The following ANKS1B variants were observed in gnomAD, a reference collection of about 807,000 sequenced individuals.
ANKS1B encodes ankyrin repeat and sterile alpha motif domain-containing protein 1B.
ANKS1B carries 36 observed loss-of-function variants against 148.3 expected under a neutral mutation model. The observed-to-expected ratio is 0.24, with a 90% confidence interval of 0.19 to 0.32. The LOEUF (loss-of-function observed/expected upper bound fraction) is 0.32, where lower values mean the gene tolerates loss of function less well. ANKS1B is among the 10% of genes least tolerant of loss of function. ANKS1B has a pLI of 1.00. For synonymous variants in ANKS1B, 542 were observed against 560.8 expected, an observed-to-expected ratio of 0.97 and a Z score of 0.47; for missense variants, 1,157 against 1,542.6, an observed-to-expected ratio of 0.75 and a Z score of 4.19.
chr12:99,275,831 G>T (rs1363667980), intron 12 of ANKS1B, among the ~76,000 whole-genome samples: 3 of 152,166 alleles, frequency 2.0e-5, no homozygotes, highest in Non-Finnish European at 4.4e-5. Context: ...AGATGTTATT[G>T]TGGTCATCCA....
At chr12:99,659,800 C>T (rs1242953533) in intron 8 of ANKS1B, among the ~76,000 whole-genome samples, 1 of 152,102 alleles carries the variant, frequency 6.6e-6, no homozygotes, top group Non-Finnish European at 1.5e-5. Flanking sequence ...AACTGATGCT[C>T]AAAATGTTAC....
At chr12:99,399,279 T>C (rs974526438) in intron 12 of ANKS1B, among the ~76,000 whole-genome samples, 1 of 152,154 alleles carries the variant, frequency 6.6e-6, no homozygotes, top group Non-Finnish European at 1.5e-5. Flanking sequence ...ATCCTTGATA[T>C]AAGTTCTCCG....
At chr12:99,763,233 A>C (rs1017721428) in intron 8 of ANKS1B, among the ~76,000 whole-genome samples, 6 of 152,204 alleles carry the variant, frequency 3.9e-5, no homozygotes, top group Admixed American at 3.9e-4. Flanking sequence ...AAGACATGGA[A>C]TCAATCTAGA....
intron 8 of ANKS1B, among the ~76,000 whole-genome samples, chr12:99,683,125 G>A (rs936739978): frequency 1.3e-5 from 2 of 152,028 alleles, no homozygotes; most frequent in Admixed American, 1.3e-4. Context: ...GAGAGAAACT[G>A]CCCCCATTAT....
At chr12:98,812,160 C>T (rs555377288) in intron 19 of ANKS1B, among the ~76,000 whole-genome samples, 20 of 152,286 alleles carry the variant, frequency 1.3e-4, no homozygotes, top group African/African-American at 3.9e-4. Context: ...TTTCAGTCAA[C>T]GACAGACTGC....
At chr12:99,410,019 A>G (rs7963164) in intron 11 of ANKS1B, among the ~76,000 whole-genome samples, 41,981 of 152,112 alleles carry the variant, frequency 0.28, 6,103 homozygotes, top group East Asian at 0.5. Context: ...GCTTCTATAC[A>G]TATTTACTTA....
chr12:98,968,221 A>G (rs1568083963), intron 17 of ANKS1B, among the ~76,000 whole-genome samples: 1 of 152,138 alleles, frequency 6.6e-6, no homozygotes, highest in Non-Finnish European at 1.5e-5. Flanking sequence ...AGAGGTAAAA[A>G]CAACAACAAA....
rs142707272 is a variant in ANKS1B, at chr12:99,779,172, G to C, written c.847+699C>G. 7.9e-5 allele frequency among the ~76,000 whole-genome samples: 12 copies of C among 152,302 alleles called. No individual in the cohort carries two copies. The East Asian group carries it at 2.3e-3, about 29-fold the overall frequency. On this transcript the variant is annotated intron_variant, in intron 6 of 26. Transcript: ENST00000683438. ...AGTATGCAAGCTGCAAATAACAAAAGTCGTACCTAGACAGTTGTCAAACTT... is the reference window on the plus strand; with the variant it reads ...AGTATGCAAGCTGCAAATAACAAAACTCGTACCTAGACAGTTGTCAAACTT...
intron 17 of ANKS1B, among the ~76,000 whole-genome samples, chr12:99,029,485 G>A (rs536078278): frequency 3.2e-4 from 49 of 152,302 alleles, no homozygotes; most frequent in Admixed American, 1.7e-3. Flanking sequence ...AATTGCTCAC[G>A]CTTTAGAGCA....
chr12:99,952,886 A>G (rs1322468707), intron 1 of ANKS1B, among the ~76,000 whole-genome samples: 1 of 152,202 alleles, frequency 6.6e-6, no homozygotes, highest in Admixed American at 6.5e-5. Flanking sequence ...TACCTTTTAA[A>G]GTCTTCTACT....
intron 17 of ANKS1B, chr12:98,954,390 T>C (rs1385299359): frequency 2.0e-5 from 3 of 152,230 alleles, no homozygotes; most frequent in South Asian, 2.1e-4. Flanking sequence ...TGAGCTGCTA[T>C]AGTTTGAATG....
chr12:99,368,188 A>G (rs1244668110), intron 12 of ANKS1B, among the ~76,000 whole-genome samples: 1 of 152,132 alleles, frequency 6.6e-6, no homozygotes, highest in Non-Finnish European at 1.5e-5. Flanking sequence ...GGGACACATG[A>G]ATGTAAAGAT....
chr12:98,952,952 G>A (rs1319589158), intron 17 of ANKS1B, among the ~76,000 whole-genome samples: 1 of 151,932 alleles, frequency 6.6e-6, no homozygotes, highest in African/African-American at 2.4e-5. Flanking sequence ...TCAAACTCCG[G>A]GGCTCAAGTG....
At chr12:99,424,618 C>A (rs2095196645) in intron 11 of ANKS1B, among the ~76,000 whole-genome samples, 1 of 139,336 alleles carries the variant, frequency 7.2e-6, no homozygotes, top group Non-Finnish European at 1.5e-5. Flanking sequence ...GTACAGGTAG[C>A]AGAAACACAC....
chr12:99,974,770 G>T (rs1431060153), intron 1 of ANKS1B, among the ~76,000 whole-genome samples: 1 of 151,976 alleles, frequency 6.6e-6, no homozygotes. Context: ...GCCCAAGTTG[G>T]TCTTGAACTC....
At chr12:99,549,765 T>C (rs1035544313) in intron 9 of ANKS1B, among the ~76,000 whole-genome samples, 2 of 152,202 alleles carry the variant, frequency 1.3e-5, no homozygotes, top group African/African-American at 4.8e-5. Context: ...GAAGATCCTG[T>C]TAGCCCAACA....
chr12:98,741,100 G>A (rs911877775), downstream of ANKS1B, among the ~76,000 whole-genome samples: 1 of 152,124 alleles, frequency 6.6e-6, no homozygotes, highest in African/African-American at 2.4e-5. Context: ...TTCAACCCCT[G>A]CCTCGTTTAA....
intron 1 of ANKS1B, among the ~76,000 whole-genome samples, chr12:99,857,317 A>C (rs1303262943): frequency 6.6e-6 from 1 of 152,126 alleles, no homozygotes; most frequent in Admixed American, 6.5e-5. Flanking sequence ...AATATTTAGG[A>C]ATATATCTAA....
intron 12 of ANKS1B, among the ~76,000 whole-genome samples, chr12:99,294,270 A>G (rs150835344): frequency 9.8e-4 from 150 of 152,336 alleles, no homozygotes; most frequent in Middle Eastern, 3.4e-3. Flanking sequence ...ATTTGGAAGC[A>G]ACCTTTTGTC....
Sources: allele counts gnomAD v4.1 joint callset (sites outside exome capture counted in the v4.1 genomes callset), GRCh38; gene constraint gnomAD v4.1.1; transcripts MANE v1.5; gene names NCBI Gene and HGNC (gene_info 2026-07-23, HGNC 2026-07-21).